LAPTM5: variants seen among roughly 807,000 people sequenced by gnomAD.
LAPTM5 encodes the protein lysosomal protein transmembrane 5.
A neutral mutation model predicts 30.1 loss-of-function variants in LAPTM5; 11 were observed. That is an observed-to-expected ratio of 0.37 (90% CI 0.23 to 0.60). The LOEUF is 0.60. Among genes scored for constraint, LAPTM5 ranks in the 20% least tolerant of loss-of-function variants. LAPTM5 has a pLI of 0.71. For missense variants in LAPTM5, 324 were observed against 332.5 expected (o/e 0.97, Z 0.20); for synonymous variants, 151 against 137.9 (o/e 1.10, Z -0.67).
At chr1:30,755,698 G>A (rs983246532) in intron 1 of LAPTM5, among the ~76,000 whole-genome samples, 1 of 152,204 alleles carries the variant, frequency 6.6e-6, no homozygotes, top group Non-Finnish European at 1.5e-5. Flanking sequence ...TCCCGGGTTT[G>A]CAGGGCAGCC....
intron 1 of LAPTM5, among the ~76,000 whole-genome samples, chr1:30,753,028 C>T (rs182543066): frequency 2.1e-4 from 32 of 151,686 alleles, no homozygotes; most frequent in Admixed American, 5.9e-4. Context: ...GTGATCCACC[C>T]GCCTCAACCT....
At chr1:30,740,081 G>T in intron 3 of LAPTM5, 144 bp from the exon 4 acceptor site, 1 of 875,158 alleles carries the variant, frequency 1.1e-6, no homozygotes, top group Non-Finnish European at 1.6e-6. Context: ...CCCTCTGAGT[G>T]ACACTCTGGG....
chr1:30,734,565 C>T (rs537300539), intron 7 of LAPTM5, among the ~76,000 whole-genome samples: 3 of 152,356 alleles, frequency 2.0e-5, no homozygotes, highest in Admixed American at 2.0e-4. Context: ...TAGTAAATTC[C>T]TGAAGTCAGA....
intron 1 of LAPTM5, among the ~76,000 whole-genome samples, chr1:30,747,353 G>C (rs188300737): frequency 1.3e-5 from 2 of 152,276 alleles, no homozygotes; most frequent in Admixed American, 1.3e-4. Flanking sequence ...ATATGGCCCA[G>C]AGAGAGACAG....
rs1044300672 is a variant in LAPTM5 at position 30,746,953 on chromosome 1, C to G, written c.88-4404G>C. On this transcript the variant is annotated intron_variant, in intron 1 of 7. Coordinates refer to ENST00000294507, the MANE Select transcript of LAPTM5 (RefSeq NM_006762.3). The surrounding 1 kb of genome is among the most constrained non-coding windows in gnomAD (Gnocchi z 4.0). ...CATTCACTGACTCTCAGTAAACACT[C>G]TCTGAGCACCTACCGCCTCCAAACT... Among the ~76,000 whole-genome samples the G allele has an allele frequency of 1.4e-4, 22 of 152,200 alleles. No homozygotes were observed. The highest frequency in any genetic ancestry group is 7.3e-5 in the Non-Finnish European group (5 of 68,030).
At chr1:30,755,523 C>A (rs894918464) in intron 1 of LAPTM5, among the ~76,000 whole-genome samples, 46 of 152,134 alleles carry the variant, frequency 3.0e-4, no homozygotes, top group African/African-American at 1.1e-3. Flanking sequence ...CTGCCCACAA[C>A]CAAACTCTCC....
intron 6 of LAPTM5, among the ~76,000 whole-genome samples, chr1:30,735,552 C>A (rs1211867860): frequency 6.6e-6 from 1 of 152,262 alleles, no homozygotes; most frequent in African/African-American, 2.4e-5. Flanking sequence ...TCCTGCTTGA[C>A]TGCCCACACT....
At chr1:30,745,612 G>A (rs1018248157) in intron 1 of LAPTM5, among the ~76,000 whole-genome samples, 3 of 152,236 alleles carry the variant, frequency 2.0e-5, no homozygotes, top group African/African-American at 7.2e-5. Context: ...GACTCATAGA[G>A]GGCAGGGGAC....
At chr1:30,740,047 T>C in intron 3 of LAPTM5, 110 bp from the exon 4 acceptor site, 1 of 1,284,036 alleles carries the variant, frequency 7.8e-7, no homozygotes, top group Non-Finnish European at 1.0e-6. Flanking sequence ...AAACCTTCCC[T>C]GCCCTCCTCA....
At chr1:30,749,780 T>C (rs1160491976) in intron 1 of LAPTM5, among the ~76,000 whole-genome samples, 1 of 152,182 alleles carries the variant, frequency 6.6e-6, no homozygotes, top group African/African-American at 2.4e-5. Context: ...GAGGCCAGTG[T>C]GCATGAGACG....
At chr1:30,735,324 G>T in intron 6 of LAPTM5, 59 bp from the exon 7 acceptor site, 1 of 1,418,588 alleles carries the variant, frequency 7.0e-7, no homozygotes, top group Non-Finnish European at 9.9e-7. Flanking sequence ...CGCTCCAGCA[G>T]GCCTAGGACA....
Position 30,741,733 on chromosome 1 carries a change from G to T in LAPTM5, c.182-17C>A. ...TCAGGTCAGCTGAAAGGCAAGGAGA[G>T]CAGGGAGGTGCTCAGGGGTGCCCCT... On this transcript the variant is annotated splice_polypyrimidine_tract_variant and intron_variant, in intron 2 of 7. Transcript: ENST00000294507. 1 of 1,589,558 alleles carries T rather than the reference G, an allele frequency of 6.3e-7. No individual in the cohort carries two copies. Among genetic ancestry groups the T allele is most frequent in the Non-Finnish European group, 8.6e-7 (1 of 1,167,050 alleles).
At chr1:30,742,874 C>G (rs1406823035) in intron 1 of LAPTM5, among the ~76,000 whole-genome samples, 2 of 152,138 alleles carry the variant, frequency 1.3e-5, no homozygotes, top group Non-Finnish European at 2.9e-5. Context: ...ATGAGACTAT[C>G]CCAGGAGAGC....
chr1:30,736,319 C>A (rs1434551049), intron 6 of LAPTM5, among the ~76,000 whole-genome samples: 3 of 152,180 alleles, frequency 2.0e-5, no homozygotes, highest in Non-Finnish European at 4.4e-5. Flanking sequence ...GATGCCCACC[C>A]ACCACCACAG....
intron 5 of LAPTM5, among the ~76,000 whole-genome samples, chr1:30,738,008 C>A (rs1590340): frequency 2.0e-5 from 3 of 151,928 alleles, no homozygotes; most frequent in African/African-American, 7.3e-5. Flanking sequence ...CTCTTCTCTA[C>A]AAGATCATTT....
intron 6 of LAPTM5, 54 bp from the exon 7 acceptor site, chr1:30,735,319 C>T (rs538720201): frequency 1.4e-6 from 2 of 1,457,894 alleles, no homozygotes; most frequent in East Asian, 2.3e-5. Flanking sequence ...TCTCACGCTC[C>T]AGCAGGCCTA....
intron 1 of LAPTM5, among the ~76,000 whole-genome samples, chr1:30,745,075 G>A (rs1280551863): frequency 1.3e-5 from 2 of 152,104 alleles, no homozygotes; most frequent in Non-Finnish European, 2.9e-5. Flanking sequence ...CAACTCCTCT[G>A]TTCTCCTCCA....
intron 1 of LAPTM5, among the ~76,000 whole-genome samples, chr1:30,757,056 G>A (rs984245814): frequency 3.9e-5 from 6 of 152,246 alleles, no homozygotes; most frequent in African/African-American, 1.4e-4. Flanking sequence ...CTAATGATTA[G>A]CACAGGTCTC....
intron 1 of LAPTM5, among the ~76,000 whole-genome samples, chr1:30,743,381 C>A: frequency 6.6e-6 from 1 of 152,150 alleles, no homozygotes; most frequent in East Asian, 1.9e-4. Flanking sequence ...GTGGAAGGGG[C>A]GAATCTGATA....
Sources: allele counts gnomAD v4.1 joint callset (sites outside exome capture counted in the v4.1 genomes callset), GRCh38; gene constraint gnomAD v4.1.1; non-coding constraint Gnocchi (gnomAD v3.1); transcripts MANE v1.5; gene names NCBI Gene and HGNC (gene_info 2026-07-23, HGNC 2026-07-21).